RBFOX1: variants seen among roughly 807,000 people sequenced by gnomAD.
RBFOX1 encodes the protein RNA binding protein fox-1 homolog 1.
Under a neutral mutation model 57.7 loss-of-function variants are expected in RBFOX1, and 8 were observed. That is an observed-to-expected ratio of 0.14 (90% CI 0.08 to 0.25). The LOEUF (loss-of-function observed/expected upper bound fraction) is 0.25. RBFOX1 is among the 10% of genes least tolerant of loss of function. RBFOX1 has a pLI of 1.00. For synonymous variants in RBFOX1, 326 were observed against 222.4 expected (o/e 1.47, Z -4.15); for missense variants, 611 against 548.5 (o/e 1.11, Z -1.14).
intron 1 of RBFOX1, among the ~76,000 whole-genome samples, chr16:6,068,546 C>A (rs1018122719): frequency 6.6e-6 from 1 of 152,134 alleles, no homozygotes; most frequent in Non-Finnish European, 1.5e-5. Context: ...CAGGTATCCA[C>A]AAACAAGTTT....
chr16:5,336,919 C>T (rs1240848486), intron 1 of RBFOX1, among the ~76,000 whole-genome samples: 1 of 152,194 alleles, frequency 6.6e-6, no homozygotes, highest in African/African-American at 2.4e-5. Flanking sequence ...ACAAGAGCTA[C>T]CTTCTATTCT....
chr16:6,326,774 G>A (rs912152237), intron 2 of RBFOX1, among the ~76,000 whole-genome samples: 7 of 151,966 alleles, frequency 4.6e-5, no homozygotes, highest in African/African-American at 7.2e-5. Flanking sequence ...ACTAGTGATC[G>A]GTGTCCTCCC....
chr16:6,938,457 A>C (rs62017715), intron 3 of RBFOX1, among the ~76,000 whole-genome samples: 27,185 of 152,164 alleles, frequency 0.18, 2,717 homozygotes, highest in Middle Eastern at 0.31. Flanking sequence ...TGTTCTTGCC[A>C]TCACTTTTCT....
chr16:5,968,453 T>G (rs2059895851), intron 4 of RBFOX1, among the ~76,000 whole-genome samples: 1 of 152,186 alleles, frequency 6.6e-6, no homozygotes, highest in Admixed American at 6.6e-5. Context: ...TTTATATCCT[T>G]TCTGTGTGTA....
At chr16:5,486,405 C>G (rs1039687274) in intron 2 of RBFOX1, among the ~76,000 whole-genome samples, 4 of 152,314 alleles carry the variant, frequency 2.6e-5, no homozygotes, top group East Asian at 1.9e-4. Flanking sequence ...CCAATGAAGA[C>G]TTGCTTTCCC....
At chr16:5,309,979 C>T (rs1323423173) in intron 1 of RBFOX1, among the ~76,000 whole-genome samples, 1 of 152,210 alleles carries the variant, frequency 6.6e-6, no homozygotes. Context: ...TCTCTGTACA[C>T]TGTGAACTGA....
chr16:6,843,710 A>G (rs1479960673), intron 3 of RBFOX1, among the ~76,000 whole-genome samples: 1 of 152,098 alleles, frequency 6.6e-6, no homozygotes, highest in Non-Finnish European at 1.5e-5. Flanking sequence ...GTAAAATTAT[A>G]AAAAAGCTTT....
intron 3 of RBFOX1, among the ~76,000 whole-genome samples, chr16:6,739,604 G>A (rs1176745154): frequency 6.6e-6 from 1 of 151,558 alleles, no homozygotes; most frequent in Non-Finnish European, 1.5e-5. Context: ...GGGCCAGGTG[G>A]GGTGGCTCAT....
At chr16:7,044,947 C>A (rs946593232) in intron 3 of RBFOX1, among the ~76,000 whole-genome samples, 1 of 152,060 alleles carries the variant, frequency 6.6e-6, no homozygotes, top group Non-Finnish European at 1.5e-5. Flanking sequence ...CTGAGTCTTC[C>A]AAGAATCATT....
intron 2 of RBFOX1, among the ~76,000 whole-genome samples, chr16:5,587,274 C>T (rs2046863994): frequency 2.6e-5 from 4 of 152,062 alleles, no homozygotes; most frequent in South Asian, 2.1e-4. Context: ...GCAAAGTGTC[C>T]GAATAGACAT....
intron 2 of RBFOX1, among the ~76,000 whole-genome samples, chr16:5,485,377 G>C (rs1231010804): frequency 1.0e-5 from 1 of 96,484 alleles, no homozygotes; most frequent in Admixed American, 1.1e-4. Context: ...AAGTGAATAA[G>C]TTCAGCTATT....
chr16:6,382,989 C>A (rs1464392220), intron 2 of RBFOX1, among the ~76,000 whole-genome samples: 1 of 152,186 alleles, frequency 6.6e-6, no homozygotes, highest in African/African-American at 2.4e-5. Context: ...GCAGCCAGCC[C>A]AGGGCTCAGC....
At chr16:5,681,999 G>A (rs921738977) in intron 3 of RBFOX1, among the ~76,000 whole-genome samples, 5 of 152,200 alleles carry the variant, frequency 3.3e-5, no homozygotes, top group South Asian at 2.1e-4. Flanking sequence ...GTTGAAATGC[G>A]TAATATATAT....
At chr16:7,292,918 G>A (rs2141656608) in intron 4 of RBFOX1, among the ~76,000 whole-genome samples, 1 of 152,222 alleles carries the variant, frequency 6.6e-6, no homozygotes, top group Non-Finnish European at 1.5e-5. Context: ...CTGTTGCCGA[G>A]CTTTTAAGGA....
intron 2 of RBFOX1, among the ~76,000 whole-genome samples, chr16:6,500,626 A>C (rs995161286): frequency 1.3e-4 from 20 of 152,154 alleles, no homozygotes; most frequent in African/African-American, 4.3e-4. Flanking sequence ...TGAAGAGGCA[A>C]TTGAAGTACA....
chr16:5,539,467 C>CAAA (rs57228119), intron 2 of RBFOX1, among the ~76,000 whole-genome samples: 4 of 149,692 alleles, frequency 2.7e-5, no homozygotes, highest in Admixed American at 6.6e-5. Flanking sequence ...TGGAAAAATA[C>CAAA]AAAAAAAAAC....
intron 4 of RBFOX1, among the ~76,000 whole-genome samples, chr16:7,294,703 A>C (rs970618165): frequency 6.6e-6 from 1 of 152,128 alleles, no homozygotes; most frequent in Admixed American, 6.5e-5. Flanking sequence ...AGAAAGCTTG[A>C]AGATAAAATG....
At position 5,276,813 on chromosome 16, in the gene RBFOX1, C is replaced by T. The variant is rs11859148; in HGVS notation, c.219+36708C>T. On this transcript the variant is annotated intron_variant, in intron 1 of 2. Coordinates refer to the RBFOX1 transcript ENST00000585867. ...AAGCAAAAATTGATGTTGGCATGGA[C>T]GTGAAAGAGAACGCTTTTACACTGA... Among the ~76,000 whole-genome samples, 335 of 152,152 alleles carry T rather than the reference C, an allele frequency of 2.2e-3. 2 individuals are homozygous for T. Among genetic ancestry groups the T allele is most frequent in the African/African-American group, 7.6e-3 (317 of 41,522 alleles).
intron 11 of RBFOX1, among the ~76,000 whole-genome samples, chr16:7,632,313 T>C (rs896520453): frequency 2.0e-5 from 3 of 152,234 alleles, no homozygotes; most frequent in Non-Finnish European, 2.9e-5. Flanking sequence ...GAAGTGGTTC[T>C]TTCTGAATTT....
Sources: allele counts gnomAD v4.1 joint callset (sites outside exome capture counted in the v4.1 genomes callset), GRCh38; gene constraint gnomAD v4.1.1; transcripts MANE v1.5; gene names NCBI Gene and HGNC (gene_info 2026-07-23, HGNC 2026-07-21).